IRAG1: variants seen among roughly 807,000 people sequenced by gnomAD.
IRAG1 encodes inositol 1,4,5-triphosphate receptor associated 1.
IRAG1 carries 62 observed loss-of-function variants against 106.2 expected under a neutral mutation model. That is an observed-to-expected ratio of 0.58 (90% CI 0.48 to 0.72). IRAG1 has a LOEUF of 0.72. IRAG1 is among the 30% of genes least tolerant of loss of function. The probability of loss-of-function intolerance (pLI) is 0.00; values close to 1 mark genes in which losing one functional copy is unlikely to be tolerated. For synonymous variants in IRAG1, 462 were observed against 443.9 expected, an observed-to-expected ratio of 1.04 and a Z score of -0.51; for missense variants, 1,064 against 1,140.7, an observed-to-expected ratio of 0.93 and a Z score of 0.97.
intron 18 of IRAG1, among the ~76,000 whole-genome samples, chr11:10,590,395 G>A (rs1216490141): frequency 1.3e-5 from 2 of 152,338 alleles, no homozygotes; most frequent in Middle Eastern, 3.4e-3. Context: ...ATCACTGGGT[G>A]ATAAGCTGGT....
intron 2 of IRAG1, among the ~76,000 whole-genome samples, chr11:10,646,056 C>G (rs1234508576): frequency 3.3e-5 from 5 of 152,140 alleles, no homozygotes; most frequent in African/African-American, 4.8e-5. Flanking sequence ...ATGTGAAGCC[C>G]AAGTTCTTCC....
At chr11:10,584,671 G>T (rs1170151526) in intron 18 of IRAG1, among the ~76,000 whole-genome samples, 1 of 150,488 alleles carries the variant, frequency 6.6e-6, no homozygotes, top group African/African-American at 2.4e-5. Context: ...GCGTGAAGGA[G>T]GACAGTGTAG....
chr11:10,680,486 G>A (rs1861145961), intron 1 of IRAG1, among the ~76,000 whole-genome samples: 1 of 137,650 alleles, frequency 7.3e-6, no homozygotes, highest in African/African-American at 2.8e-5. Context: ...GGAGAGGAAG[G>A]GAGGGAGAAA....
At chr11:10,666,460 C>A (rs999986646) in intron 1 of IRAG1, among the ~76,000 whole-genome samples, 1 of 152,198 alleles carries the variant, frequency 6.6e-6, no homozygotes, top group African/African-American at 2.4e-5. Flanking sequence ...CAGAGCCAGG[C>A]GACAGCAGCA....
Position 10,626,514 on chromosome 11 carries a change from G to A in IRAG1, c.820C>T (p.Pro274Ser), listed in dbSNP as rs1056245148. ...GACTTCTCAACTGGAGGAGGACGAGGAGCCAGCCTGCCCTGAGACACTTTC... is the reference window on the plus strand; with the variant it reads ...GACTTCTCAACTGGAGGAGGACGAGAAGCCAGCCTGCCCTGAGACACTTTC... ...QRKVSQGRLA[P>S]RPPPVEKSKE... Residue 274 changes from proline to serine, a missense_variant, in exon 9 of 21, where the codon CCT becomes TCT. Pro to Ser is a moderately conservative substitution (Grantham distance 74). Coordinates refer to ENST00000423302, the MANE Select transcript of IRAG1 (RefSeq NM_130385.4). 2 of 1,613,326 alleles carry A rather than the reference G, an allele frequency of 1.2e-6. No individual in the cohort carries two copies. The highest frequency in any genetic ancestry group is 2.7e-5 in the African/African-American group (2 of 74,930).
At position 10,628,729 on chromosome 11, in the gene IRAG1, TC is replaced by T. The variant is rs1489358229; in HGVS notation, c.652+21del. ...CCAGAGCGAGAGGCAGGGCAGGAAGTCCCCGGGCAGCTGGGCCTCACCTGGC... is the reference window on the plus strand; with the variant it reads ...CCAGAGCGAGAGGCAGGGCAGGAAGTCCCGGGCAGCTGGGCCTCACCTGGC... On this transcript the variant is annotated intron_variant, in intron 6 of 20. Transcript: ENST00000423302. The surrounding 1 kb of genome is among the most constrained non-coding windows in gnomAD (Gnocchi z 4.1). 7.9e-6 allele frequency: 12 copies of T among 1,513,314 alleles called. No individual in the cohort carries two copies. The highest frequency in any genetic ancestry group is 9.7e-6 in the Non-Finnish European group (11 of 1,134,698). 93.7% of individuals were successfully genotyped at this position (1,513,314 alleles called of 1,614,324 possible). A position where few individuals can be genotyped will look rare whatever the true frequency, so the allele number is the denominator to read the frequency against.
chr11:10,680,534 A>AGGGGAAGGGGAAGG (rs1359347721), intron 1 of IRAG1, among the ~76,000 whole-genome samples: 1 of 141,234 alleles, frequency 7.1e-6, no homozygotes, highest in African/African-American at 2.7e-5. Flanking sequence ...AAAGGAAGGA[A>AGGGGAAGGGGAAGG]GGAAGGGGAA....
chr11:10,691,431 C>T (rs1252854748), intron 1 of IRAG1, among the ~76,000 whole-genome samples: 1 of 152,096 alleles, frequency 6.6e-6, no homozygotes, highest in Admixed American at 6.6e-5. Context: ...AAGCTGAGGA[C>T]CCATCACGTA....
At chr11:10,597,294 ACT>A (rs1404168898) in intron 15 of IRAG1, among the ~76,000 whole-genome samples, 1 of 151,892 alleles carries the variant, frequency 6.6e-6, no homozygotes, top group Non-Finnish European at 1.5e-5. Context: ...GTATTCTTTT[ACT>A]CTGTTTTTGA....
intron 18 of IRAG1, among the ~76,000 whole-genome samples, chr11:10,589,889 C>A (rs559504114): frequency 3.3e-5 from 5 of 152,306 alleles, no homozygotes; most frequent in Admixed American, 6.5e-5. Flanking sequence ...AAGGATAATT[C>A]ATGTTTTCAT....
At chr11:10,580,621 A>G in intron 19 of IRAG1, 32 bp from the exon 20 acceptor site, 1 of 1,609,354 alleles carries the variant, frequency 6.2e-7, no homozygotes, top group Non-Finnish European at 8.5e-7. Flanking sequence ...TTGAGTCTGG[A>G]AAGGGCAGAT....
intron 18 of IRAG1, among the ~76,000 whole-genome samples, chr11:10,582,305 C>A (rs990826620): frequency 3.9e-5 from 6 of 152,110 alleles, no homozygotes; most frequent in African/African-American, 1.4e-4. Flanking sequence ...GGCAGACCAG[C>A]ACGTTTAAGG....
At chr11:10,599,251 G>A (rs923783593) in intron 15 of IRAG1, among the ~76,000 whole-genome samples, 5 of 152,160 alleles carry the variant, frequency 3.3e-5, no homozygotes, top group Non-Finnish European at 7.4e-5. Context: ...CTGTGACTGT[G>A]TGCCCTTTAC....
At chr11:10,644,724 G>A (rs1857804746) in intron 2 of IRAG1, among the ~76,000 whole-genome samples, 2 of 152,210 alleles carry the variant, frequency 1.3e-5, no homozygotes, top group Admixed American at 6.5e-5. Flanking sequence ...CAGGTTCCAA[G>A]TGTTTTACAT....
intron 18 of IRAG1, among the ~76,000 whole-genome samples, chr11:10,590,555 G>A (rs933134171): frequency 1.8e-4 from 28 of 152,288 alleles, no homozygotes; most frequent in African/African-American, 6.7e-4. Context: ...GCTGTCTTGA[G>A]GCAAGGAAGA....
chr11:10,687,540 T>C, intron 1 of IRAG1: 1 of 589,718 alleles, frequency 1.7e-6, no homozygotes, highest in East Asian at 8.7e-5. Flanking sequence ...AACACCAGCT[T>C]CATCAGTCAT....
intron 18 of IRAG1, among the ~76,000 whole-genome samples, chr11:10,587,771 T>G (rs189628224): frequency 9.1e-4 from 138 of 152,288 alleles, no homozygotes; most frequent in African/African-American, 3.2e-3. Flanking sequence ...GCCCAACCGG[T>G]CACCATGCTC....
Position 10,659,624 on chromosome 11 carries a change from G to T in IRAG1, c.68-7442C>A, listed in dbSNP as rs1296815604. Among the ~76,000 whole-genome samples the T allele has an allele frequency of 1.3e-5, 2 of 152,198 alleles. No homozygotes were observed. Among genetic ancestry groups the T allele is most frequent in the East Asian group, 3.9e-4 (2 of 5,190 alleles). On this transcript the variant is annotated intron_variant, in intron 1 of 20. Transcript: ENST00000423302. This position sits in a 1 kb window ranked among gnomAD's most constrained non-coding sequence, Gnocchi z 4.1. The stretch of plus-strand genomic sequence containing the variant: ...TTGGCTGGGGGTGCCCTGGGAAGGA[G>T]CCAGCACCTGCTCAGACCAATGACA...
intron 1 of IRAG1, among the ~76,000 whole-genome samples, chr11:10,679,953 A>G (rs908325286): frequency 2.0e-5 from 3 of 152,160 alleles, no homozygotes; most frequent in Admixed American, 2.0e-4. Flanking sequence ...CGTTTTTCCA[A>G]GGAGTATCTC....
Sources: allele counts gnomAD v4.1 joint callset (sites outside exome capture counted in the v4.1 genomes callset), GRCh38; gene constraint gnomAD v4.1.1; non-coding constraint Gnocchi (gnomAD v3.1); transcripts MANE v1.5; gene names NCBI Gene and HGNC (gene_info 2026-07-23, HGNC 2026-07-21).